Variants in ZYG11A observed in about 807,000 individuals in gnomAD.
ZYG11A encodes zyg-11 family member A, cell cycle regulator, also known as protein zyg-11 homolog A.
Under a neutral mutation model 77.2 loss-of-function variants are expected in ZYG11A, and 62 were observed. The observed-to-expected ratio is 0.80, with a 90% confidence interval of 0.65 to 0.99. The LOEUF is 0.99. Among genes scored for constraint, ZYG11A ranks in the 50% least tolerant of loss-of-function variants. The pLI, the probability that ZYG11A is intolerant of heterozygous loss-of-function variation, is 0.00. For missense variants in ZYG11A, 828 were observed against 896.8 expected, an observed-to-expected ratio of 0.92 and a Z score of 0.98; for synonymous variants, 315 against 324.6, an observed-to-expected ratio of 0.97 and a Z score of 0.32.
chr1:52,850,970 A>G (rs1185863097), intron 1 of ZYG11A, among the ~76,000 whole-genome samples: 1 of 151,762 alleles, frequency 6.6e-6, no homozygotes, highest in East Asian at 1.9e-4. Flanking sequence ...CATGTCTGAT[A>G]TTTTATTGTA....
Position 52,881,493 on chromosome 1 carries a change from A to C in ZYG11A, c.1772A>C (p.Glu591Ala). The C allele has an allele frequency of 6.4e-7, 1 of 1,550,846 alleles. No homozygotes were observed. The highest frequency in any genetic ancestry group is 1.2e-5 in the South Asian group (1 of 83,890). The change falls in exon 11 of 14, where the codon GAG (glutamate) becomes GCG (alanine). Residue 591 changes from glutamate to alanine, a missense_variant. Glu to Ala is a moderately radical substitution (Grantham distance 107, BLOSUM62 -1). Coordinates refer to ENST00000371528, the MANE Select transcript of ZYG11A (RefSeq NM_001004339.3). ...GLLNNIAEVR[E>A]LSSKLVTEDV... ...TAGAACAACATAGCAGAAGTCAGAG[A>C]GCTCTCTTCCAAGCTGGTGACCGAA...
Position 52,881,598 on chromosome 1 carries a change from A to T in ZYG11A, c.1877A>T (p.His626Leu), listed in dbSNP as rs201837712. 607 of 1,552,336 alleles carry T rather than the reference A, an allele frequency of 3.9e-4. 1 individual carries two copies. Among genetic ancestry groups the T allele is most frequent in the Non-Finnish European group, 3.8e-4 (435 of 1,147,130 alleles). ...TATTTTGCTGCAGGTATCATAGCCCACCTGACATCTGACAGACAGCTTTGG... is the reference window on the plus strand; with the variant it reads ...TATTTTGCTGCAGGTATCATAGCCCTCCTGACATCTGACAGACAGCTTTGG... ...VSYFAAGIIAHLTSDRQLWIS... is the reference protein window; with the variant it reads ...VSYFAAGIIALLTSDRQLWIS... Residue 626 changes from histidine (H) to leucine (L), a missense_variant, in exon 11 of 14, where the codon CAC becomes CTC. Physicochemically the swap from His to Leu is moderately conservative, Grantham distance 99. Transcript: ENST00000371528.
intron 5 of ZYG11A, 48 bp downstream of exon 5, chr1:52,864,205 AG>A: frequency 6.6e-7 from 1 of 1,524,754 alleles, no homozygotes; most frequent in Non-Finnish European, 8.9e-7. Context: ...TGTTGTTAAT[AG>A]TCTCAGCTCT....
intron 11 of ZYG11A, among the ~76,000 whole-genome samples, chr1:52,882,508 G>A (rs186848618): frequency 2.0e-5 from 3 of 152,156 alleles, no homozygotes; most frequent in East Asian, 1.9e-4. Context: ...TGGCTTATGT[G>A]CCTCCCTGTA....
rs1645834726 is a variant in ZYG11A at position 52,857,410 on chromosome 1, G to C, written c.669G>C (p.Leu223=). Residue 223 remains leucine, a synonymous_variant, in exon 3 of 14, where the codon CTG becomes CTC. Coordinates refer to ENST00000371528, the MANE Select transcript of ZYG11A (RefSeq NM_001004339.3). ...SNTLVTDISA[L]LTCKDRLKSL... is the part of the protein sequence containing the mutation. ...CTCTAGTCACTGATATTTCTGCACT[G>C]CTTACCTGTAAGGATCGATTGAAGT... The C allele has an allele frequency of 6.4e-7, 1 of 1,551,810 alleles. No individual in the cohort carries two copies. The highest frequency in any genetic ancestry group is 1.4e-5 in the African/African-American group (1 of 73,060).
rs559021585 is a variant in ZYG11A, at chr1:52,889,734, T to C, written c.2104+2681T>C. Among the ~76,000 whole-genome samples, 1,124 of 149,674 alleles carry C rather than the reference T, an allele frequency of 7.5e-3. 10 individuals are homozygous for C. The highest frequency in any genetic ancestry group is 0.026 in the African/African-American group (1,038 of 40,576). ...TACCATTTTTTTTTTTTTTTTGAGATGGAGTCTCGCTCTGTCACCCAGGCT... is the reference window on the plus strand; with the variant it reads ...TACCATTTTTTTTTTTTTTTTGAGACGGAGTCTCGCTCTGTCACCCAGGCT... On this transcript the variant is annotated intron_variant, in intron 13 of 13. Coordinates refer to ENST00000371528, the MANE Select transcript of ZYG11A (RefSeq NM_001004339.3).
chr1:52,864,274 C>G, intron 5 of ZYG11A, 117 bp downstream of exon 5: 3 of 1,041,670 alleles, frequency 2.9e-6, no homozygotes, highest in Middle Eastern at 2.4e-4. Flanking sequence ...AAGACAGAGT[C>G]TCTCTCTGTC....
chr1:52,869,966 C>T (rs868461001), intron 8 of ZYG11A, among the ~76,000 whole-genome samples: 800 of 75,942 alleles, frequency 0.011, 25 homozygotes, highest in Non-Finnish European at 0.018. Flanking sequence ...GGGGGCTGAC[C>T]CCCCCCCACC....
intron 1 of ZYG11A, among the ~76,000 whole-genome samples, chr1:52,853,100 A>G (rs1340219121): frequency 3.3e-5 from 5 of 152,242 alleles, no homozygotes; most frequent in Non-Finnish European, 7.3e-5. Context: ...ATGGTTTAGC[A>G]GGCATAGTGT....
intron 11 of ZYG11A, 136 bp from the exon 12 acceptor site, chr1:52,885,697 A>T (rs920167138): frequency 1.6e-6 from 1 of 640,854 alleles, no homozygotes; most frequent in Non-Finnish European, 2.7e-6. Flanking sequence ...TATTGTGTGT[A>T]TATAATCGTT....
Position 52,857,472 on chromosome 1 carries a change from C to A in ZYG11A, c.731C>A (p.Thr244Asn). ...CACTATCTGAAATGCCTGGCCATGA[C>A]CAAATCACAAATTCTTGCAGTCATT... Reference protein sequence around the residue: ...TMHYLKCLAMTKSQILAVIRE... With the variant: ...TMHYLKCLAMNKSQILAVIRE... The change falls in exon 3 of 14, where the codon ACC (threonine) becomes AAC (asparagine). Residue 244 changes from threonine (T) to asparagine (N), a missense_variant. Physicochemically the swap from Thr to Asn is moderately conservative, Grantham distance 65. Transcript: ENST00000371528. 3.9e-6 allele frequency: 6 copies of A among 1,552,238 alleles called. No homozygotes were observed. Among genetic ancestry groups the A allele is most frequent in the Non-Finnish European group, 5.2e-6 (6 of 1,147,118 alleles).
intron 8 of ZYG11A, among the ~76,000 whole-genome samples, chr1:52,873,029 C>T (rs967369832): frequency 6.6e-6 from 1 of 151,804 alleles, no homozygotes; most frequent in Non-Finnish European, 1.5e-5. Flanking sequence ...TTCTAGATAC[C>T]ATTAAGAAAA....
At chr1:52,867,007 A>T (rs1189204011) in intron 6 of ZYG11A, among the ~76,000 whole-genome samples, 1 of 152,218 alleles carries the variant, frequency 6.6e-6, no homozygotes, top group Non-Finnish European at 1.5e-5. Flanking sequence ...AATCATCATC[A>T]TCCTAGCCAT....
At chr1:52,848,263 A>G (rs1332910021) in intron 1 of ZYG11A, among the ~76,000 whole-genome samples, 2 of 152,046 alleles carry the variant, frequency 1.3e-5, no homozygotes, top group Admixed American at 6.6e-5. Context: ...GGCCTTCCAA[A>G]AGTGCTGGGA....
chr1:52,851,141 C>A (rs1645702433), intron 1 of ZYG11A, among the ~76,000 whole-genome samples: 1 of 151,644 alleles, frequency 6.6e-6, no homozygotes, highest in African/African-American at 2.4e-5. Flanking sequence ...ACCTCCTGGG[C>A]TCAAGCAATT....
At chr1:52,858,268 C>G (rs974229869) in intron 3 of ZYG11A, among the ~76,000 whole-genome samples, 2 of 149,584 alleles carry the variant, frequency 1.3e-5, no homozygotes, top group African/African-American at 4.9e-5. Context: ...TGTTGGCGGG[C>G]GCCTGTAGTC....
intron 10 of ZYG11A, among the ~76,000 whole-genome samples, chr1:52,881,011 T>G (rs1226946856): frequency 6.6e-6 from 1 of 152,180 alleles, no homozygotes; most frequent in African/African-American, 2.4e-5. Flanking sequence ...GTGTAACATA[T>G]AAAATAAAAT....
In ZYG11A at chr1:52,872,726, C is replaced by T. The variant is rs529780429; in HGVS notation, c.1542+4949C>T. On this transcript the variant is annotated intron_variant, in intron 8 of 13. Coordinates refer to ENST00000371528, the MANE Select transcript of ZYG11A (RefSeq NM_001004339.3). ...TGAAACCCCGTCTCTATTAAAAATA[C>T]AAAAAAATTAGCCCGGCATGGTGGC... Among the ~76,000 whole-genome samples the T allele has an allele frequency of 1.5e-4, 22 of 150,300 alleles. No homozygotes were observed. The South Asian group carries it at 3.4e-3, about 23-fold the overall frequency.
At chr1:52,877,302 T>C (rs1043759022) in intron 8 of ZYG11A, among the ~76,000 whole-genome samples, 1 of 152,200 alleles carries the variant, frequency 6.6e-6, no homozygotes, top group Non-Finnish European at 1.5e-5. Context: ...TTAAAATTCT[T>C]TTATTTAATT....
Sources: allele counts gnomAD v4.1 joint callset (sites outside exome capture counted in the v4.1 genomes callset), GRCh38; gene constraint gnomAD v4.1.1; transcripts MANE v1.5; gene names NCBI Gene and HGNC (gene_info 2026-07-23, HGNC 2026-07-21).